STK32C: variants seen among roughly 807,000 people sequenced by gnomAD.
STK32C encodes serine/threonine kinase 32C.
STK32C carries 31 observed loss-of-function variants against 56.5 expected under a neutral mutation model. That is an observed-to-expected ratio of 0.55 (90% CI 0.41 to 0.74). The LOEUF (loss-of-function observed/expected upper bound fraction) is 0.74. STK32C is among the 30% of genes least tolerant of loss of function. The pLI is 0.00. For missense variants in STK32C, 544 were observed against 676.9 expected, an observed-to-expected ratio of 0.80 and a Z score of 2.18; for synonymous variants, 309 against 289.4, an observed-to-expected ratio of 1.07 and a Z score of -0.69.
chr10:132,254,138 T>G (rs2064018977), intron 1 of STK32C, among the ~76,000 whole-genome samples: 1 of 151,962 alleles, frequency 6.6e-6, no homozygotes, highest in African/African-American at 2.4e-5. Flanking sequence ...TGAAACCCCG[T>G]CTCTACTAAA....
chr10:132,245,833 G>C (rs2063667938), intron 2 of STK32C, 67 bp downstream of exon 2: 10 of 1,496,270 alleles, frequency 6.7e-6, no homozygotes, highest in Non-Finnish European at 9.2e-6. Flanking sequence ...TCAGGGGACA[G>C]CATGTCCGAC....
At chr10:132,320,842 G>T (rs139731290), downstream of STK32C, among the ~76,000 whole-genome samples, 917 of 152,308 alleles carry the variant, frequency 6.0e-3, 11 homozygotes, top group African/African-American at 0.021. Flanking sequence ...AGGCCAAGGC[G>T]TTGCCATCAT....
chr10:132,274,990 G>C (rs2064954098), intron 1 of STK32C, among the ~76,000 whole-genome samples: 2 of 152,304 alleles, frequency 1.3e-5, no homozygotes, highest in South Asian at 4.1e-4. Context: ...CGAGAACCCT[G>C]TGCCAGCCCC....
chr10:132,253,545 C>CG (rs2063994105), intron 1 of STK32C, among the ~76,000 whole-genome samples: 2 of 118,086 alleles, frequency 1.7e-5, no homozygotes, highest in African/African-American at 8.7e-5. Context: ...TGGAGGGAGT[C>CG]GAGGGAGCTG....
rs1315210352 is a variant in STK32C, at chr10:132,307,385, A to C, written c.262+187T>G. On this transcript the variant is annotated intron_variant, in intron 1 of 11. Transcript: ENST00000298630. The surrounding 1 kb of genome is among the most constrained non-coding windows in gnomAD (Gnocchi z 4.4). Reference sequence around the variant, plus strand: ...CCTGCGGCGCCGCCACTAGAAACGGAGGACGCGGGCGGGCGCCCAGAACTC... The same window carrying C: ...CCTGCGGCGCCGCCACTAGAAACGGCGGACGCGGGCGGGCGCCCAGAACTC... 6.6e-6 allele frequency among the ~76,000 whole-genome samples: 1 copy of C among 151,580 alleles called. No individual in the cohort carries two copies. The highest frequency in any genetic ancestry group is 1.5e-5 in the Non-Finnish European group (1 of 67,832).
intron 1 of STK32C, among the ~76,000 whole-genome samples, chr10:132,248,405 C>T (rs2063765424): frequency 1.3e-5 from 2 of 152,198 alleles, no homozygotes; most frequent in Admixed American, 6.5e-5. Flanking sequence ...GGTGTCAGGG[C>T]GAGGCCCAGG....
intron 1 of STK32C, among the ~76,000 whole-genome samples, chr10:132,276,137 C>A (rs2064991669): frequency 6.6e-6 from 1 of 152,168 alleles, no homozygotes; most frequent in Non-Finnish European, 1.5e-5. Context: ...ACCAGCTTTT[C>A]GGTCAGCAAT....
intron 1 of STK32C, chr10:132,249,089 G>A (rs1187848741): frequency 8.4e-6 from 4 of 477,964 alleles, no homozygotes; most frequent in South Asian, 6.1e-5. Context: ...TCCCAGCTGG[G>A]AGGCAGCAGC....
At chr10:132,264,408 G>A (rs78128958) in intron 1 of STK32C, among the ~76,000 whole-genome samples, 2,414 of 152,282 alleles carry the variant, frequency 0.016, 69 homozygotes, top group African/African-American at 0.053. Context: ...GGGACCCCTC[G>A]AGCTGGGAGT....
At chr10:132,325,281 G>A (rs558957958) in intron 1 of STK32C, among the ~76,000 whole-genome samples, 11 of 152,158 alleles carry the variant, frequency 7.2e-5, no homozygotes, top group South Asian at 2.1e-4. Flanking sequence ...GGCCGGGCGC[G>A]GTGGCTCACA....
At chr10:132,324,398 T>A (rs1338764200) in intron 1 of STK32C, 1 of 768,090 alleles carries the variant, frequency 1.3e-6, no homozygotes, top group Non-Finnish European at 2.4e-6. Flanking sequence ...AGAGGTCATC[T>A]TCACTTTGCA....
At chr10:132,323,207 A>AT (rs1162240216), downstream of STK32C, among the ~76,000 whole-genome samples, 1 of 152,066 alleles carries the variant, frequency 6.6e-6, no homozygotes, top group Non-Finnish European at 1.5e-5. The surrounding 1 kb of genome is among the most constrained non-coding windows in gnomAD (Gnocchi z 4.8). Context: ...TTACCATGTA[A>AT]TTTTCCACCA....
chr10:132,331,452 C>T, exon 1 of STK32C: 1 of 1,611,492 alleles, frequency 6.2e-7, no homozygotes. Flanking sequence ...TCCTCGCCCC[C>T]CTCACTCCTC....
chr10:132,223,034 C>T (rs2062739153), intron 8 of STK32C, 48 bp from the exon 9 acceptor site: 3 of 1,528,436 alleles, frequency 2.0e-6, no homozygotes, highest in Admixed American at 2.0e-5. Context: ...AGCCCACCAG[C>T]ACGGAATAGC....
intron 1 of STK32C, among the ~76,000 whole-genome samples, chr10:132,294,973 A>G (rs1353946183): frequency 6.6e-6 from 1 of 151,802 alleles, no homozygotes; most frequent in Non-Finnish European, 1.5e-5. Context: ...CGGCCAGCAG[A>G]GCCAGGACAG....
chr10:132,248,964 T>C (rs2063787189), intron 1 of STK32C: 4 of 456,616 alleles, frequency 8.8e-6, no homozygotes, highest in Non-Finnish European at 1.8e-5. Context: ...GGAAACAAAA[T>C]CTATTAAATA....
chr10:132,262,135 G>A (rs2064323456), intron 1 of STK32C, among the ~76,000 whole-genome samples: 1 of 152,034 alleles, frequency 6.6e-6, no homozygotes, highest in Non-Finnish European at 1.5e-5. Context: ...CCCAAATTAA[G>A]GCTGCACACC....
chr10:132,331,814 C>A, exon 1 of STK32C: 1 of 1,578,396 alleles, frequency 6.3e-7, no homozygotes, highest in Non-Finnish European at 8.6e-7. Context: ...CCGTCGACCA[C>A]CACCCCTTCA....
intron 2 of STK32C, among the ~76,000 whole-genome samples, chr10:132,238,894 G>C (rs55970424): frequency 0.03 from 4,610 of 152,278 alleles, 92 homozygotes; most frequent in Admixed American, 0.05. Context: ...TGCACACACA[G>C]AGGAGCGGGC....
Sources: gnomAD v4.1 joint callset for allele counts (sites outside exome capture counted in the v4.1 genomes callset) on GRCh38, gnomAD v4.1.1 for gene constraint, Gnocchi (gnomAD v3.1) non-coding constraint, MANE v1.5 for transcripts, NCBI Gene and HGNC (gene_info 2026-07-23, HGNC 2026-07-21) for gene names.